Variants in CCDC158 observed in about 807,000 individuals in gnomAD.
CCDC158 encodes the protein coiled-coil domain containing 158, also known as coiled-coil domain-containing protein 158.
In CCDC158, 116 loss-of-function variants were observed where a neutral mutation model predicts 138.6. That is an observed-to-expected ratio of 0.84 (90% CI 0.72 to 0.98). The LOEUF (loss-of-function observed/expected upper bound fraction) is 0.98. Ranked by LOEUF, CCDC158 falls within the 50% of genes least tolerant of loss-of-function variation. The probability of loss-of-function intolerance (pLI) is 0.00; values close to 1 mark genes in which losing one functional copy is unlikely to be tolerated. For missense variants in CCDC158, 1,265 were observed against 1,306.1 expected (o/e 0.97, Z 0.48); for synonymous variants, 436 against 442.4 (o/e 0.99, Z 0.18).
intron 2 of CCDC158, among the ~76,000 whole-genome samples, chr4:76,405,590 A>G (rs996365644): frequency 6.6e-6 from 1 of 152,232 alleles, no homozygotes; most frequent in Admixed American, 6.5e-5. Flanking sequence ...AGAGTTGAGA[A>G]AAACAAAGGT....
At chr4:76,372,918 G>T (rs541303737) in intron 9 of CCDC158, among the ~76,000 whole-genome samples, 1 of 151,880 alleles carries the variant, frequency 6.6e-6, no homozygotes, top group African/African-American at 2.4e-5. Flanking sequence ...GCACGATCTC[G>T]GCTCACTGCA....
intron 23 of CCDC158, among the ~76,000 whole-genome samples, chr4:76,324,730 G>A (rs1391707932): frequency 6.6e-6 from 1 of 152,092 alleles, no homozygotes; most frequent in African/African-American, 2.4e-5. Context: ...GTTCCAGGAA[G>A]GCATCCAAGA....
chr4:76,391,792 A>C (rs375914408), intron 4 of CCDC158, among the ~76,000 whole-genome samples: 2 of 152,048 alleles, frequency 1.3e-5, no homozygotes, highest in African/African-American at 4.8e-5. Context: ...AAAAAAAGAG[A>C]GAAGACCCAA....
chr4:76,315,406 C>A (rs1719290318), intron 24 of CCDC158, among the ~76,000 whole-genome samples: 1 of 152,192 alleles, frequency 6.6e-6, no homozygotes, highest in African/African-American at 2.4e-5. Context: ...AACCCAAATA[C>A]TTATCCTGGC....
intron 4 of CCDC158, among the ~76,000 whole-genome samples, chr4:76,392,652 A>G (rs183269253): frequency 6.6e-6 from 1 of 152,078 alleles, no homozygotes; most frequent in Non-Finnish European, 1.5e-5. Flanking sequence ...AATCACATAG[A>G]GAAAGAAAGA....
At chr4:76,384,964 A>G (rs554075347) in intron 4 of CCDC158, among the ~76,000 whole-genome samples, 1 of 152,310 alleles carries the variant, frequency 6.6e-6, no homozygotes, top group South Asian at 2.1e-4. Context: ...TTACATGAAA[A>G]CATGAGAATT....
At position 76,369,606 on chromosome 4, in the gene CCDC158, C is replaced by T. The variant is rs1319044605; in HGVS notation, c.1167G>A (p.Arg389=). The change falls in exon 11 of 25, where the codon AGG becomes AGA. Residue 389 remains arginine (R), a synonymous_variant. Transcript: ENST00000682701. ...CCTTCTCCAGACTCAGCTCCTTCTC[C>T]CTTTTGTGTAGATCAGCCTAAAAAA... ...LQKLLADLHK[R]EKELSLEKEQ... is the part of the protein sequence containing the mutation. The T allele has an allele frequency of 3.1e-6, 5 of 1,614,098 alleles. No individual in the cohort carries two copies. Among genetic ancestry groups the T allele is most frequent in the Non-Finnish European group, 4.2e-6 (5 of 1,179,988 alleles).
chr4:76,415,322 T>C (rs1729606410), intron 1 of CCDC158, among the ~76,000 whole-genome samples: 1 of 152,038 alleles, frequency 6.6e-6, no homozygotes, highest in Non-Finnish European at 1.5e-5. Flanking sequence ...GTTAAAGCCA[T>C]TCAGTTTTAT....
intron 18 of CCDC158, chr4:76,344,426 T>A: frequency 1.6e-6 from 1 of 614,566 alleles, no homozygotes; most frequent in Non-Finnish European, 2.9e-6. Context: ...TGTGCCACAG[T>A]GAGTTGTAAG....
chr4:76,370,091 C>T (rs2110249965), intron 10 of CCDC158, among the ~76,000 whole-genome samples: 1 of 152,286 alleles, frequency 6.6e-6, no homozygotes, highest in East Asian at 1.9e-4. Context: ...AATTACCTCC[C>T]TTTTCAGTCA....
At chr4:76,363,475 A>G (rs1724359284) in intron 12 of CCDC158, among the ~76,000 whole-genome samples, 1 of 152,110 alleles carries the variant, frequency 6.6e-6, no homozygotes, top group Non-Finnish European at 1.5e-5. Context: ...GAGTCCTCCT[A>G]GGGAATCATC....
chr4:76,333,742 T>C (rs1339187060), intron 19 of CCDC158, among the ~76,000 whole-genome samples: 2 of 152,334 alleles, frequency 1.3e-5, no homozygotes, highest in South Asian at 2.1e-4. Context: ...ATATAAAATC[T>C]TTTGAGAATT....
chr4:76,404,334 G>T (rs1293895900), intron 2 of CCDC158, among the ~76,000 whole-genome samples: 1 of 152,174 alleles, frequency 6.6e-6, no homozygotes, highest in African/African-American at 2.4e-5. Context: ...CAAAATGTCA[G>T]AAAACATGAA....
intron 13 of CCDC158, among the ~76,000 whole-genome samples, chr4:76,361,050 T>A (rs916138805): frequency 1.3e-5 from 2 of 152,196 alleles, no homozygotes; most frequent in South Asian, 4.1e-4. Flanking sequence ...GCTGTTCTCA[T>A]GACAGTGAGT....
intron 24 of CCDC158, among the ~76,000 whole-genome samples, chr4:76,319,411 T>C (rs185306376): frequency 0.032 from 3,538 of 109,594 alleles, 192 homozygotes; most frequent in African/African-American, 0.12. Flanking sequence ...CCAGCCTGGG[T>C]GACAGAGCAA....
intron 8 of CCDC158, among the ~76,000 whole-genome samples, chr4:76,380,730 G>A (rs1484244358): frequency 1.3e-5 from 2 of 152,204 alleles, no homozygotes; most frequent in African/African-American, 2.4e-5. Context: ...GCAAGACAAT[G>A]GGGAAAATGT....
intron 10 of CCDC158, among the ~76,000 whole-genome samples, chr4:76,370,532 G>A (rs989446705): frequency 6.6e-6 from 1 of 152,124 alleles, no homozygotes; most frequent in Non-Finnish European, 1.5e-5. Context: ...AGATGTATGC[G>A]GCAGCCCTTT....
rs567493544 is a variant in CCDC158, at chr4:76,389,496, T to C, written c.289-4831A>G. ...ATAGCCTCAAAAGGGCAAATCTAAG[T>C]TACTGGCCTTAAAAGGGAGTTAGAG... On this transcript the variant is annotated intron_variant, in intron 4 of 24. Coordinates refer to ENST00000682701, the MANE Select transcript of CCDC158 (RefSeq NM_001394954.1). Among the ~76,000 whole-genome samples the C allele has an allele frequency of 5.1e-4, 77 of 152,210 alleles. 2 individuals are homozygous for C. In the South Asian group the frequency reaches 0.016, roughly 31 times the overall value.
intron 11 of CCDC158, among the ~76,000 whole-genome samples, chr4:76,369,171 C>T (rs1056088369): frequency 3.9e-5 from 6 of 151,944 alleles, no homozygotes; most frequent in East Asian, 1.9e-4. Context: ...GCCGAGATCG[C>T]GCCACTGCAC....
Sources: gnomAD v4.1 joint callset for allele counts (sites outside exome capture counted in the v4.1 genomes callset) on GRCh38, gnomAD v4.1.1 for gene constraint, MANE v1.5 for transcripts, NCBI Gene and HGNC (gene_info 2026-07-23, HGNC 2026-07-21) for gene names.